Variants in HEPHL1 observed in about 807,000 individuals in gnomAD.
HEPHL1 encodes ferroxidase HEPHL1.
HEPHL1 carries 123 observed loss-of-function variants against 122.0 expected under a neutral mutation model. The observed-to-expected ratio is 1.01, with a 90% CI of 0.87 to 1.17. HEPHL1 has a LOEUF of 1.17. Among genes scored for constraint, HEPHL1 ranks in the 50% most tolerant of loss-of-function variants. The probability of loss-of-function intolerance (pLI) is 0.00; values close to 1 mark genes in which losing one functional copy is unlikely to be tolerated. For synonymous variants in HEPHL1, 527 were observed against 508.9 expected, an observed-to-expected ratio of 1.04 and a Z score of -0.48; for missense variants, 1,452 against 1,430.5, an observed-to-expected ratio of 1.01 and a Z score of -0.24.
intron 5 of HEPHL1, 41 bp downstream of exon 5, chr11:94,067,791 T>C: frequency 6.3e-7 from 1 of 1,594,422 alleles, no homozygotes; most frequent in South Asian, 1.1e-5. Flanking sequence ...TTTAGAATGG[T>C]ACAATCAAAC....
At chr11:94,027,808 A>C (rs144998666) in intron 1 of HEPHL1, among the ~76,000 whole-genome samples, 1 of 152,344 alleles carries the variant, frequency 6.6e-6, no homozygotes, top group Non-Finnish European at 1.5e-5. Context: ...GACCCAAGAC[A>C]TAGGTGGTGC....
chr11:94,071,721 G>T (rs1365109080), intron 6 of HEPHL1, among the ~76,000 whole-genome samples: 3 of 152,180 alleles, frequency 2.0e-5, no homozygotes, highest in Non-Finnish European at 4.4e-5. Context: ...GAGGTGAGTT[G>T]TCCTGGTAGT....
At chr11:94,100,083 T>C (rs1565362255) in intron 13 of HEPHL1, among the ~76,000 whole-genome samples, 1 of 152,108 alleles carries the variant, frequency 6.6e-6, no homozygotes, top group African/African-American at 2.4e-5. Context: ...AATGCAGAAA[T>C]CACCTGTCTT....
intron 13 of HEPHL1, among the ~76,000 whole-genome samples, chr11:94,096,271 A>T (rs1029751183): frequency 6.6e-6 from 1 of 152,188 alleles, no homozygotes; most frequent in Non-Finnish European, 1.5e-5. Flanking sequence ...GCAGCTATTG[A>T]GATAATCACG....
rs1287060304 is a variant in HEPHL1, at chr11:94,112,762, T to TATC, written c.*870_*872dup. 1 of 152,248 alleles carries TATC rather than the reference T, an allele frequency of 6.6e-6. No individual in the cohort carries two copies. The allele number at this position is 152,248 out of a possible 1,614,324, so 9.4% of individuals were successfully genotyped here. A position where few individuals can be genotyped will look rare whatever the true frequency, so the allele number is the denominator to read the frequency against. On this transcript the variant is annotated 3_prime_UTR_variant, in exon 20 of 20. Coordinates refer to ENST00000315765, the MANE Select transcript of HEPHL1 (RefSeq NM_001098672.2). Reference sequence around the variant, plus strand: ...CCCTGAGAGTTTAGAGCAAGCTTTCTATCAGGGAGGGAAGCTTTGCAGGAG... The same window carrying TATC: ...CCCTGAGAGTTTAGAGCAAGCTTTCTATCATCAGGGAGGGAAGCTTTGCAGGAG...
intron 1 of HEPHL1, among the ~76,000 whole-genome samples, chr11:94,042,883 A>AAAAAAAAAAAAAAAAAAAAAAAAC (rs1555058775): frequency 1.5e-5 from 2 of 132,398 alleles, no homozygotes; most frequent in African/African-American, 2.8e-5. Flanking sequence ...AATAAAAAAA[A>AAAAAAAAAAAAAAAAAAAAAAAAC]AAAAAAAAAA....
chr11:94,059,749 G>A (rs1323087566), intron 2 of HEPHL1, among the ~76,000 whole-genome samples: 1 of 151,914 alleles, frequency 6.6e-6, no homozygotes, highest in Non-Finnish European at 1.5e-5. Context: ...TTCAACTTGA[G>A]TGGTGGCACA....
At chr11:94,049,018 G>T (rs1018001727) in intron 2 of HEPHL1, among the ~76,000 whole-genome samples, 2 of 152,036 alleles carry the variant, frequency 1.3e-5, no homozygotes, top group African/African-American at 4.8e-5. Context: ...CTACTTGGGA[G>T]GCTGAGGCAG....
chr11:94,067,642 C>T lies in HEPHL1; in HGVS notation c.955C>T (p.Arg319Trp), dbSNP rs765449710. Reference protein sequence around the residue: ...YGNTFISRGHRTDVVNLFPAT... With the variant: ...YGNTFISRGHWTDVVNLFPAT... ...TAACACCTTCATCAGCAGAGGGCATCGGACTGATGTCGTCAACCTGTTCCC... is the reference window on the plus strand; with the variant it reads ...TAACACCTTCATCAGCAGAGGGCATTGGACTGATGTCGTCAACCTGTTCCC... Residue 319 changes from arginine to tryptophan, a missense_variant, in exon 5 of 20, where the codon CGG (arginine) becomes TGG (tryptophan). Coordinates refer to ENST00000315765, the MANE Select transcript of HEPHL1 (RefSeq NM_001098672.2). The T allele has an allele frequency of 2.9e-5, 47 of 1,613,678 alleles. No individual in the cohort carries two copies. The highest frequency in any genetic ancestry group is 8.9e-5 in the East Asian group (4 of 44,884).
chr11:94,089,214 T>G (rs1457146000), intron 12 of HEPHL1, among the ~76,000 whole-genome samples: 1 of 151,604 alleles, frequency 6.6e-6, no homozygotes, highest in Non-Finnish European at 1.5e-5. Flanking sequence ...TGCCTGGGAG[T>G]GCGTGTGCAG....
At chr11:94,072,643 A>C (rs1482944234) in intron 6 of HEPHL1, among the ~76,000 whole-genome samples, 2 of 152,102 alleles carry the variant, frequency 1.3e-5, no homozygotes, top group African/African-American at 4.8e-5. Context: ...TACTAGATGC[A>C]GAGAATATTC....
chr11:94,055,276 C>T, intron 2 of HEPHL1: 1 of 283,578 alleles, frequency 3.5e-6, no homozygotes, highest in Non-Finnish European at 7.0e-6. Context: ...TCCTGTTGAG[C>T]CACCTGTTTC....
At chr11:94,099,547 C>T (rs1343756048) in intron 13 of HEPHL1, among the ~76,000 whole-genome samples, 2 of 152,222 alleles carry the variant, frequency 1.3e-5, no homozygotes, top group African/African-American at 4.8e-5. Flanking sequence ...AGCTGTCAGA[C>T]AGGGACATTT....
chr11:94,043,619 T>C (rs1041923045), intron 1 of HEPHL1, among the ~76,000 whole-genome samples: 5 of 152,070 alleles, frequency 3.3e-5, no homozygotes, highest in African/African-American at 1.2e-4. Context: ...GCTCTCCCAC[T>C]CTGGGCACAC....
In HEPHL1 at chr11:94,049,510, G is replaced by C. The variant is rs1224761048; in HGVS notation, c.415+3593G>C. ...CCCACTACTGGGCATTTATCCAAAG[G>C]AATAAACCTTTCATTGAGCACCCAC... On this transcript the variant is annotated intron_variant, in intron 2 of 19. Coordinates refer to ENST00000315765, the MANE Select transcript of HEPHL1 (RefSeq NM_001098672.2). Among the ~76,000 whole-genome samples, 3 of 150,542 alleles carry C rather than the reference G, an allele frequency of 2.0e-5. No individual in the cohort carries two copies. The Admixed American group carries it at 2.0e-4, about 10-fold the overall frequency.
intron 1 of HEPHL1, among the ~76,000 whole-genome samples, chr11:94,037,465 C>T (rs1945736852): frequency 6.6e-6 from 1 of 152,076 alleles, no homozygotes; most frequent in Non-Finnish European, 1.5e-5. Context: ...ACTTAAATGT[C>T]CCTGTCTGAC....
chr11:94,051,849 C>T (rs1489322731), intron 2 of HEPHL1, among the ~76,000 whole-genome samples: 1 of 152,126 alleles, frequency 6.6e-6, no homozygotes, highest in South Asian at 2.1e-4. Context: ...TTTTATTCTT[C>T]TGCATATGGG....
intron 13 of HEPHL1, among the ~76,000 whole-genome samples, chr11:94,094,203 A>G (rs1390150762): frequency 6.6e-6 from 1 of 150,900 alleles, no homozygotes; most frequent in Non-Finnish European, 1.5e-5. Context: ...CTGTGTCCAA[A>G]TGTTCTCATT....
At chr11:94,050,824 C>T (rs972441343) in intron 2 of HEPHL1, among the ~76,000 whole-genome samples, 8 of 152,098 alleles carry the variant, frequency 5.3e-5, no homozygotes, top group African/African-American at 1.9e-4. Context: ...CTTTCCACTA[C>T]CCTTCCTGGC....
Sources: gnomAD v4.1 joint callset for allele counts (sites outside exome capture counted in the v4.1 genomes callset) on GRCh38, gnomAD v4.1.1 for gene constraint, MANE v1.5 for transcripts, NCBI Gene and HGNC (gene_info 2026-07-23, HGNC 2026-07-21) for gene names.